The following BNIP2 variants were observed in gnomAD, a reference collection of about 807,000 sequenced individuals.
BNIP2 encodes the protein BCL2 interacting protein 2.
A neutral mutation model predicts 43.4 loss-of-function variants in BNIP2; 36 were observed. The observed-to-expected ratio is 0.83, with a 90% CI of 0.64 to 1.10. The LOEUF is 1.10. Ranked by LOEUF, BNIP2 falls within the 50% of genes least tolerant of loss-of-function variation. The probability of loss-of-function intolerance (pLI) is 0.00; values close to 1 mark genes in which losing one functional copy is unlikely to be tolerated. For synonymous variants in BNIP2, 146 were observed against 121.0 expected, an observed-to-expected ratio of 1.21 and a Z score of -1.35; for missense variants, 417 against 374.1, an observed-to-expected ratio of 1.11 and a Z score of -0.95.
At chr15:59,679,822 A>C in intron 3 of BNIP2, 54 bp from the exon 4 acceptor site, 1 of 1,371,098 alleles carries the variant, frequency 7.3e-7, no homozygotes, top group East Asian at 2.7e-5. Flanking sequence ...TTAGATGCTA[A>C]AGTTGAATAA....
At chr15:59,664,159 C>A in intron 9 of BNIP2, 39 bp from the exon 10 acceptor site, 1 of 1,324,602 alleles carries the variant, frequency 7.5e-7, no homozygotes. Context: ...AAACCAGCAA[C>A]TGAACAATTT....
intron 1 of BNIP2, among the ~76,000 whole-genome samples, chr15:59,687,540 T>TG (rs1206604452): frequency 1.3e-5 from 2 of 151,996 alleles, no homozygotes; most frequent in East Asian, 1.9e-4. Flanking sequence ...TTAGTAGAGA[T>TG]GGGGTTTCAT....
intron 2 of BNIP2, among the ~76,000 whole-genome samples, chr15:59,680,700 C>G (rs545091593): frequency 6.6e-6 from 1 of 152,202 alleles, no homozygotes; most frequent in South Asian, 2.1e-4. Flanking sequence ...TGTGCCCAGC[C>G]TAGCAGTGTT....
intron 4 of BNIP2, chr15:59,678,564 A>T (rs1406970898): frequency 5.2e-5 from 57 of 1,101,374 alleles, no homozygotes; most frequent in Admixed American, 1.9e-4. Flanking sequence ...TTCTCATTTG[A>T]TCAGTTTTAT....
intron 1 of BNIP2, 90 bp from the exon 2 acceptor site, chr15:59,682,604 T>A: frequency 9.9e-7 from 1 of 1,008,486 alleles, no homozygotes; most frequent in Non-Finnish European, 1.4e-6. Context: ...AGTTCATACT[T>A]GATGTTTAGT....
intron 5 of BNIP2, among the ~76,000 whole-genome samples, chr15:59,675,047 G>A (rs1256747965): frequency 2.0e-5 from 3 of 151,616 alleles, no homozygotes; most frequent in Non-Finnish European, 4.4e-5. Context: ...TCAGGAGTTC[G>A]AGACCAGCCT....
intron 9 of BNIP2, chr15:59,668,136 T>C (rs144720139): frequency 1.6e-6 from 2 of 1,287,948 alleles, no homozygotes; most frequent in African/African-American, 3.0e-5. Flanking sequence ...TTCTTCTTCA[T>C]ACCTTTGTAG....
chr15:59,684,805 C>T (rs1378800615), intron 1 of BNIP2, among the ~76,000 whole-genome samples: 1 of 152,230 alleles, frequency 6.6e-6, no homozygotes, highest in East Asian at 1.9e-4. Flanking sequence ...TCAAATATCT[C>T]AAATACTCAG....
At chr15:59,678,306 A>G (rs1566972119) in intron 4 of BNIP2, 4 of 1,276,722 alleles carry the variant, frequency 3.1e-6, no homozygotes, top group East Asian at 7.0e-5. Flanking sequence ...TGCCCAATTT[A>G]GCAAAAACCA....
At chr15:59,676,796 C>T (rs542462748) in intron 5 of BNIP2, 95 of 1,518,326 alleles carry the variant, frequency 6.3e-5, no homozygotes, top group African/African-American at 2.8e-4. Context: ...CTGCGGTGGC[C>T]GCCTGGCCCT....
chr15:59,667,665 T>C (rs1389501269), intron 9 of BNIP2, among the ~76,000 whole-genome samples: 46 of 152,238 alleles, frequency 3.0e-4, no homozygotes, highest in Admixed American at 3.0e-3. Flanking sequence ...AAAGTATATA[T>C]GCATTGCAAA....
chr15:59,672,152 A>C (rs1329235672), intron 6 of BNIP2: 1 of 152,310 alleles, frequency 6.6e-6, no homozygotes, highest in East Asian at 1.9e-4. Context: ...TTTTCTCTTG[A>C]ATTGGAAAAC....
chr15:59,684,592 A>T (rs866299431), intron 1 of BNIP2, among the ~76,000 whole-genome samples: 9 of 152,218 alleles, frequency 5.9e-5, no homozygotes, highest in South Asian at 2.1e-4. Context: ...GCTATGACTA[A>T]AGGCTGAAAA....
chr15:59,664,221 C>T, intron 9 of BNIP2, 101 bp from the exon 10 acceptor site: 1 of 659,796 alleles, frequency 1.5e-6, no homozygotes, highest in Non-Finnish European at 2.3e-6. Context: ...CTGTTAAAGA[C>T]AAAGCTTTGC....
Position 59,689,179 on chromosome 15 carries a change from C to T in BNIP2, c.-102G>A. 2 of 1,538,794 alleles carry T rather than the reference C, an allele frequency of 1.3e-6. No individual in the cohort carries two copies. Among genetic ancestry groups the T allele is most frequent in the Non-Finnish European group, 1.7e-6 (2 of 1,146,434 alleles). ...CCCTCGTCCTCTTCGCCCCTCCAGG[C>T]CGGCGACGTGGGGCTGACGGCCAGG... On this transcript the variant is annotated 5_prime_UTR_variant, in exon 1 of 10. Coordinates refer to ENST00000607373, the MANE Select transcript of BNIP2 (RefSeq NM_004330.4).
Position 59,660,265 on chromosome 15 carries a change from T to C in BNIP2, c.*3804A>G, listed in dbSNP as rs143550926. On this transcript the variant is annotated 3_prime_UTR_variant, in exon 10 of 10. Transcript: ENST00000607373. ...AATGCCTCTTTTTACTCTATCCCTC[T>C]CAGATTTGTGGTCCATTTCTCAAAT... The C allele has an allele frequency of 1.3e-5, 2 of 152,156 alleles. No individual in the cohort carries two copies. Among genetic ancestry groups the C allele is most frequent in the Admixed American group, 1.3e-4 (2 of 15,274 alleles). 9.4% of individuals were successfully genotyped at this position (152,156 alleles called of 1,614,324 possible). A position where few individuals can be genotyped will look rare whatever the true frequency, so the allele number is the denominator to read the frequency against.
intron 1 of BNIP2, chr15:59,688,794 G>A (rs1894190319): frequency 2.6e-6 from 4 of 1,535,170 alleles, no homozygotes; most frequent in African/African-American, 1.4e-5. Context: ...CTGAACCATC[G>A]TAGCCCAGCC....
intron 7 of BNIP2, among the ~76,000 whole-genome samples, chr15:59,670,278 A>G (rs912279148): frequency 6.6e-6 from 1 of 152,118 alleles, no homozygotes; most frequent in African/African-American, 2.4e-5. Flanking sequence ...AAAAAATACA[A>G]AAATTAGCTG....
In BNIP2 at chr15:59,674,817, T is replaced by C. The variant is rs146507044; in HGVS notation, c.473-2078A>G. Among the ~76,000 whole-genome samples, 356 of 152,358 alleles carry C rather than the reference T, an allele frequency of 2.3e-3. 2 individuals carry two copies. The highest frequency in any genetic ancestry group is 8.1e-3 in the African/African-American group (336 of 41,578). On this transcript the variant is annotated intron_variant, in intron 5 of 9. Transcript: ENST00000607373. ...AACTTCTATATATGGTACTGTTAGA[T>C]TGAAAGGATTTATAACTTAAACTTT...
Sources: gnomAD v4.1 joint callset for allele counts (sites outside exome capture counted in the v4.1 genomes callset) on GRCh38, gnomAD v4.1.1 for gene constraint, MANE v1.5 for transcripts, NCBI Gene and HGNC (gene_info 2026-07-23, HGNC 2026-07-21) for gene names.